The following PPM1H variants were observed in gnomAD, a reference collection of about 807,000 sequenced individuals.
PPM1H encodes protein phosphatase, Mg2+/Mn2+ dependent 1H.
PPM1H carries 27 observed loss-of-function variants against 54.9 expected under a neutral mutation model. The ratio of observed to expected loss-of-function variants is 0.49; its 90% CI spans 0.36 to 0.68. The LOEUF is 0.68. PPM1H is among the 30% of genes least tolerant of loss of function. The pLI, the probability that PPM1H is intolerant of heterozygous loss-of-function variation, is 0.00. For missense variants in PPM1H, 596 were observed against 667.8 expected, an observed-to-expected ratio of 0.89 and a Z score of 1.19; for synonymous variants, 305 against 270.8, an observed-to-expected ratio of 1.13 and a Z score of -1.24.
chr12:62,828,583 T>C (rs1165526219), intron 2 of PPM1H, among the ~76,000 whole-genome samples: 1 of 152,348 alleles, frequency 6.6e-6, no homozygotes, highest in Admixed American at 6.5e-5. Context: ...TGGCACACTA[T>C]ATTTTGTCTC....
At position 62,931,933 on chromosome 12, in the gene PPM1H, C is replaced by G. The variant is rs1413816400; in HGVS notation, c.245+2559G>C. ...TGTGAAAATGCTACAGAATAATATG[C>G]TTAGTATGAGTCTATTTTGAGAAGA... is the stretch of plus-strand genomic sequence containing the variant. On this transcript the variant is annotated intron_variant, in intron 1 of 9. Coordinates refer to ENST00000228705, the MANE Select transcript of PPM1H (RefSeq NM_020700.2). Among the ~76,000 whole-genome samples, 3 of 152,032 alleles carry G rather than the reference C, an allele frequency of 2.0e-5. No homozygotes were observed. In the East Asian group the frequency reaches 5.8e-4, roughly 29 times the overall value.
chr12:62,789,330 T>C (rs994899014), intron 3 of PPM1H, among the ~76,000 whole-genome samples: 2 of 152,218 alleles, frequency 1.3e-5, no homozygotes, highest in Non-Finnish European at 2.9e-5. Context: ...CTCCAAAGTC[T>C]TGGATAAATA....
chr12:62,789,983 A>G (rs1451121094), intron 3 of PPM1H, among the ~76,000 whole-genome samples: 1 of 152,244 alleles, frequency 6.6e-6, no homozygotes, highest in East Asian at 1.9e-4. Flanking sequence ...CTTTTGGTGC[A>G]GAGGGAAGGA....
chr12:62,888,267 A>G (rs574678), intron 1 of PPM1H, among the ~76,000 whole-genome samples: 18,773 of 152,108 alleles, frequency 0.12, 3,479 homozygotes, highest in African/African-American at 0.4. Flanking sequence ...AGAGGCAGGA[A>G]TTACAGGAAA....
chr12:62,716,365 C>T (rs1361997356), intron 6 of PPM1H, among the ~76,000 whole-genome samples: 6 of 152,148 alleles, frequency 3.9e-5, no homozygotes, highest in South Asian at 2.1e-4. Context: ...CTGTTTTAAG[C>T]GTTAGGTATG....
At chr12:62,704,666 G>A (rs1565762442) in intron 6 of PPM1H, among the ~76,000 whole-genome samples, 1 of 152,204 alleles carries the variant, frequency 6.6e-6, no homozygotes, top group East Asian at 1.9e-4. Flanking sequence ...AATATTTGGT[G>A]ATAAACAGAA....
In PPM1H at chr12:62,791,084, AT is replaced by A. The variant is rs561351699; in HGVS notation, c.757-2747del. ...GGACAAATGAAGAAATAAATTTTAA[AT>A]TTTTTTTATCTGCCTCTCCCCTTAC... On this transcript the variant is annotated intron_variant, in intron 3 of 9. Coordinates refer to ENST00000228705, the MANE Select transcript of PPM1H (RefSeq NM_020700.2). Among the ~76,000 whole-genome samples, 689 of 152,140 alleles carry A rather than the reference AT, an allele frequency of 4.5e-3. 7 individuals are homozygous for A. The highest frequency in any genetic ancestry group is 0.015 in the African/African-American group (635 of 41,496).
chr12:62,800,386 G>A (rs370994675), intron 3 of PPM1H, among the ~76,000 whole-genome samples: 1 of 151,894 alleles, frequency 6.6e-6, no homozygotes, highest in East Asian at 2.0e-4. Context: ...GCCCAGGCTG[G>A]AGTGCAGTGG....
rs148078900 is a variant in PPM1H at position 62,756,420 on chromosome 12, C to T, written c.870-18834G>A. ...CTTGTCGTGTGCCATTAATAAAGTC[C>T]CCTGCACTCAGCCAAAAAAAAAAAA... On this transcript the variant is annotated intron_variant, in intron 4 of 9. Coordinates refer to ENST00000228705, the MANE Select transcript of PPM1H (RefSeq NM_020700.2). 3.9e-3 allele frequency among the ~76,000 whole-genome samples: 596 copies of T among 151,332 alleles called. 4 individuals are homozygous for T. Among genetic ancestry groups the T allele is most frequent in the African/African-American group, 0.014 (573 of 41,224 alleles).
intron 1 of PPM1H, among the ~76,000 whole-genome samples, chr12:62,839,702 CTACTCTCA>C (rs1868651817): frequency 1.3e-5 from 2 of 150,734 alleles, no homozygotes; most frequent in African/African-American, 4.9e-5. Flanking sequence ...GAGATGGTTT[CTACTCTCA>C]AGGACCCTAT....
At chr12:62,927,355 G>A (rs893674713) in intron 1 of PPM1H, among the ~76,000 whole-genome samples, 5 of 152,134 alleles carry the variant, frequency 3.3e-5, no homozygotes, top group Non-Finnish European at 5.9e-5. Context: ...TTAGGCAGTC[G>A]ACATATAAGA....
intron 3 of PPM1H, among the ~76,000 whole-genome samples, chr12:62,794,002 C>T (rs1270251056): frequency 6.6e-6 from 1 of 152,184 alleles, no homozygotes; most frequent in African/African-American, 2.4e-5. Context: ...TGAGTTAAAA[C>T]ACGGCTCTGA....
chr12:62,844,129 C>T lies in PPM1H; in HGVS notation c.246-11850G>A, dbSNP rs1291577219. 6.6e-6 allele frequency among the ~76,000 whole-genome samples: 1 copy of T among 152,124 alleles called. No individual in the cohort carries two copies. The highest frequency in any genetic ancestry group is 1.5e-5 in the Non-Finnish European group (1 of 68,028). On this transcript the variant is annotated intron_variant, in intron 1 of 9. Transcript: ENST00000228705. The surrounding 1 kb of genome is among the most constrained non-coding windows in gnomAD (Gnocchi z 5.2). ...TTATGATTAAGCATCGAGTTTATTC[C>T]AGCGCAGTGCAAAGCTTAAGAACAG...
chr12:62,685,228 C>T (rs1027194915), intron 8 of PPM1H, among the ~76,000 whole-genome samples: 1 of 152,180 alleles, frequency 6.6e-6, no homozygotes, highest in Non-Finnish European at 1.5e-5. Flanking sequence ...TTCCCAATTA[C>T]CCTTTCTACT....
chr12:62,723,895 AT>A (rs1450251036), intron 5 of PPM1H, among the ~76,000 whole-genome samples: 1 of 152,166 alleles, frequency 6.6e-6, no homozygotes, highest in East Asian at 1.9e-4. Context: ...GTACCTGGGC[AT>A]TTGAGGGAAC....
chr12:62,730,616 G>A (rs1218931816), intron 5 of PPM1H, among the ~76,000 whole-genome samples: 1 of 151,952 alleles, frequency 6.6e-6, no homozygotes, highest in East Asian at 1.9e-4. Flanking sequence ...TTGAGAGAAA[G>A]TAATCAAAAT....
chr12:62,790,688 C>A (rs966729036), intron 3 of PPM1H, among the ~76,000 whole-genome samples: 1 of 152,094 alleles, frequency 6.6e-6, no homozygotes, highest in Admixed American at 6.5e-5. Context: ...GGGAGGGGAA[C>A]TGGAGAGCCA....
rs539362279 is a variant in PPM1H, at chr12:62,736,273, C to A, written c.954+1229G>T. Among the ~76,000 whole-genome samples, 4 of 152,228 alleles carry A rather than the reference C, an allele frequency of 2.6e-5. No homozygotes were observed. In the East Asian group the frequency reaches 7.7e-4, roughly 29 times the overall value. ...AGGTCAGGAAAGGTTAAGAAACTTG[C>A]ACAAAACTGTCCAGCTGGTAACACA... On this transcript the variant is annotated intron_variant, in intron 5 of 9. Transcript: ENST00000228705.
chr12:62,923,492 C>T (rs985980380), intron 1 of PPM1H, among the ~76,000 whole-genome samples: 1 of 152,158 alleles, frequency 6.6e-6, no homozygotes, highest in Admixed American at 6.5e-5. Context: ...ACCTCTGCCT[C>T]CCGGGTTCAA....
Sources: gnomAD v4.1 joint callset for allele counts (sites outside exome capture counted in the v4.1 genomes callset) on GRCh38, gnomAD v4.1.1 for gene constraint, Gnocchi (gnomAD v3.1) non-coding constraint, MANE v1.5 for transcripts, NCBI Gene and HGNC (gene_info 2026-07-23, HGNC 2026-07-21) for gene names.